Variants in OR51E2 observed in about 807,000 individuals in gnomAD.
OR51E2 encodes olfactory receptor 51E2.
OR51E2 carries 14 observed loss-of-function variants against 13.7 expected under a neutral mutation model. The observed-to-expected ratio is 1.02, with a 90% CI of 0.68 to 1.60. The LOEUF (loss-of-function observed/expected upper bound fraction) is 1.60. Ranked by LOEUF, OR51E2 falls within the 40% of genes most tolerant of loss-of-function variation. The pLI is 0.00. For missense variants in OR51E2, 483 were observed against 413.8 expected (o/e 1.17, Z -1.45); for synonymous variants, 180 against 157.6 (o/e 1.14, Z -1.07).
rs1847461132 is a variant in OR51E2 at position 4,682,219 on chromosome 11, G to C, written c.493C>G (p.Leu165Val). The part of the protein sequence containing the change: ...FFPLPLLIKR[L>V]AFCHSNVLSH... ...AGGACATTGGAGTGGCAGAAGGCCA[G>C]CCGCTTGATCAGCAGAGGCAGTGGG... The change falls in exon 2 of 2, where the codon CTG becomes GTG. Residue 165 changes from leucine to valine, a missense_variant. Physicochemically the swap from Leu to Val is conservative, Grantham distance 32. Coordinates refer to ENST00000396950, the MANE Select transcript of OR51E2 (RefSeq NM_030774.4). 6.2e-7 allele frequency: 1 copy of C among 1,614,210 alleles called. No individual in the cohort carries two copies. Among genetic ancestry groups the C allele is most frequent in the Non-Finnish European group, 8.5e-7 (1 of 1,180,038 alleles).
chr11:4,686,526 C>T (rs1847517417), intron 1 of OR51E2, among the ~76,000 whole-genome samples: 1 of 152,176 alleles, frequency 6.6e-6, no homozygotes. Context: ...ATTGCTATTC[C>T]AGAAGCTGTT....
Position 4,682,052 on chromosome 11 carries a change from T to G in OR51E2, c.660A>C (p.Ile220=). The G allele has an allele frequency of 6.2e-7, 1 of 1,614,232 alleles. No individual in the cohort carries two copies. Among genetic ancestry groups the G allele is most frequent in the Non-Finnish European group, 8.5e-7 (1 of 1,180,040 alleles). ...AAGGCAGTTGCAGAACCGTTCGTAT[T>G]ATCAGAAAATAGGACAAGGAGATGA... is the stretch of plus-strand genomic sequence containing the variant. ...VMFISLSYFL[I]IRTVLQLPSK... is the part of the protein sequence containing the mutation. The change falls in exon 2 of 2, where the codon ATA becomes ATC. Residue 220 remains isoleucine, a synonymous_variant. Transcript: ENST00000396950.
At chr11:4,691,173 T>A (rs576925191) in intron 1 of OR51E2, 3 of 456,656 alleles carry the variant, frequency 6.6e-6, no homozygotes, top group Non-Finnish European at 1.3e-5. Flanking sequence ...GTAGGAGTGG[T>A]GGAGTACTTG....
intron 1 of OR51E2, chr11:4,685,638 C>T (rs1450665944): frequency 1.3e-5 from 2 of 152,204 alleles, no homozygotes; most frequent in East Asian, 1.9e-4. Context: ...GATGATATGA[C>T]AGCTTTTTGT....
At position 4,682,764 on chromosome 11, in the gene OR51E2, G is replaced by T; in HGVS notation, c.-50-3C>A. On this transcript the variant is annotated splice_region_variant and splice_polypyrimidine_tract_variant and intron_variant, in intron 1 of 1. Coordinates refer to ENST00000396950, the MANE Select transcript of OR51E2 (RefSeq NM_030774.4). ...GAGGGTGAGGTCACACTGGCAGTCT[G>T]CAGGGACATAGAGCACAATCAGAGA... 2 of 1,575,808 alleles carry T rather than the reference G, an allele frequency of 1.3e-6. No individual in the cohort carries two copies. Among genetic ancestry groups the T allele is most frequent in the Non-Finnish European group, 1.7e-6 (2 of 1,159,798 alleles).
At position 4,680,290 on chromosome 11, in the gene OR51E2, G is replaced by T. The variant is rs1847434774; in HGVS notation, c.*1459C>A. On this transcript the variant is annotated 3_prime_UTR_variant, in exon 2 of 2. Transcript: ENST00000396950. ...TAAAAAATGAAGACATGATCAAGGA[G>T]ATGTAAGAGACAAATAGACAACAAC... The T allele has an allele frequency of 6.6e-6, 1 of 152,216 alleles. No homozygotes were observed. Among genetic ancestry groups the T allele is most frequent in the African/African-American group, 2.4e-5 (1 of 41,446 alleles). The allele number at this position is 152,216 out of a possible 1,614,324, so 9.4% of individuals were successfully genotyped here. A position where few individuals can be genotyped will look rare whatever the true frequency, so the allele number is the denominator to read the frequency against.
At chr11:4,688,551 T>C (rs1441252674) in intron 1 of OR51E2, among the ~76,000 whole-genome samples, 1 of 152,188 alleles carries the variant, frequency 6.6e-6, no homozygotes, top group Admixed American at 6.5e-5. Context: ...TGTGAATTTT[T>C]CCTGGGTAAG....
In OR51E2 at chr11:4,695,467, G is replaced by A. The variant is rs546255222; in HGVS notation, c.-51+2186C>T. On this transcript the variant is annotated intron_variant, in intron 1 of 1. Transcript: ENST00000396950. ...ATAATTAGCCTTGTGCTTTGATAGT[G>A]AGGGATACAAGACATAAGCCCTGTT... Among the ~76,000 whole-genome samples, 6 of 152,292 alleles carry A rather than the reference G, an allele frequency of 3.9e-5. No homozygotes were observed. In the East Asian group the frequency reaches 1.2e-3, roughly 29 times the overall value.
intron 1 of OR51E2, among the ~76,000 whole-genome samples, chr11:4,686,202 T>C (rs1847513959): frequency 6.6e-6 from 1 of 152,182 alleles, no homozygotes; most frequent in Non-Finnish European, 1.5e-5. Flanking sequence ...CCTGAAATGG[T>C]ATGAAAGAGC....
chr11:4,690,500 T>C (rs1469423882), intron 1 of OR51E2: 1 of 196,218 alleles, frequency 5.1e-6, no homozygotes, highest in Non-Finnish European at 1.1e-5. Flanking sequence ...CCAACAGTGG[T>C]GTGAGAAGGA....
intron 1 of OR51E2, among the ~76,000 whole-genome samples, chr11:4,682,966 G>T (rs1014011049): frequency 6.6e-6 from 1 of 152,202 alleles, no homozygotes; most frequent in South Asian, 2.1e-4. Flanking sequence ...TCTTGGGAGA[G>T]CAATGCTTTT....
chr11:4,693,547 T>C (rs781556857), intron 1 of OR51E2, among the ~76,000 whole-genome samples: 11 of 151,964 alleles, frequency 7.2e-5, no homozygotes, highest in Non-Finnish European at 1.5e-4. Flanking sequence ...TGGTGAAACC[T>C]CGTCTCTACT....
chr11:4,687,726 G>A (rs1307943082), intron 1 of OR51E2, among the ~76,000 whole-genome samples: 1 of 152,108 alleles, frequency 6.6e-6, no homozygotes, highest in African/African-American at 2.4e-5. Context: ...GTTTGTTGTG[G>A]GGAGAATGGT....
At chr11:4,687,385 G>T (rs942201321) in intron 1 of OR51E2, among the ~76,000 whole-genome samples, 2 of 152,108 alleles carry the variant, frequency 1.3e-5, no homozygotes, top group African/African-American at 4.8e-5. Flanking sequence ...TTTATGTTGG[G>T]AAGTGGAAAT....
rs539588395 is a variant in OR51E2, at chr11:4,692,512, G to A, written c.-51+5141C>T. 2.4e-3 allele frequency among the ~76,000 whole-genome samples: 371 copies of A among 152,336 alleles called. 3 individuals are homozygous for A. The highest frequency in any genetic ancestry group is 0.012 in the South Asian group (59 of 4,830). ...CTTCTTAGGAGATACCTAATTGAAT[G>A]TTACTGTTTTGTTTCGGAGGGAAAA... On this transcript the variant is annotated intron_variant, in intron 1 of 1. Coordinates refer to ENST00000396950, the MANE Select transcript of OR51E2 (RefSeq NM_030774.4).
At chr11:4,689,008 T>C (rs1029777375) in intron 1 of OR51E2, among the ~76,000 whole-genome samples, 1 of 152,176 alleles carries the variant, frequency 6.6e-6, no homozygotes, top group African/African-American at 2.4e-5. Flanking sequence ...AGTAGTGATA[T>C]TGATACACAG....
At chr11:4,693,210 A>G (rs1564888054) in intron 1 of OR51E2, among the ~76,000 whole-genome samples, 1 of 152,232 alleles carries the variant, frequency 6.6e-6, no homozygotes, top group Non-Finnish European at 1.5e-5. Flanking sequence ...ATCACATTTT[A>G]CCCCACAAAT....
At position 4,681,754 on chromosome 11, in the gene OR51E2, T is replaced by C. The variant is rs779835151; in HGVS notation, c.958A>G (p.Lys320Glu). Residue 320 changes from lysine (K) to glutamate (E), a missense_variant, in exon 2 of 2, where the codon AAG becomes GAG. Physicochemically the swap from Lys to Glu is moderately conservative, Grantham distance 56. Coordinates refer to ENST00000396950, the MANE Select transcript of OR51E2 (RefSeq NM_030774.4). Reference protein sequence around the residue: ...CDKDLQAVGGK With the variant: ...CDKDLQAVGGE ...GAGAAGTGTAGTGTTAAGGGTCACT[T>C]GCCTCCCACAGCCTGCAAGTCCTTG... is the stretch of plus-strand genomic sequence containing the variant. The C allele has an allele frequency of 4.3e-6, 7 of 1,613,686 alleles. No individual in the cohort carries two copies. The highest frequency in any genetic ancestry group is 2.7e-5 in the African/African-American group (2 of 74,914).
intron 1 of OR51E2, chr11:4,685,176 C>G (rs571975003): frequency 9.9e-5 from 15 of 152,198 alleles, no homozygotes; most frequent in Admixed American, 2.6e-4. Context: ...AGAGTATGAA[C>G]TGAGGCCCCA....
Sources: allele counts gnomAD v4.1 joint callset (sites outside exome capture counted in the v4.1 genomes callset), GRCh38; gene constraint gnomAD v4.1.1; transcripts MANE v1.5; gene names NCBI Gene and HGNC (gene_info 2026-07-23, HGNC 2026-07-21).